Variants in UBE3D observed in about 807,000 individuals in gnomAD.
UBE3D encodes E3 ubiquitin-protein ligase E3D.
In UBE3D, 48 loss-of-function variants were observed where a neutral mutation model predicts 49.6. The ratio of observed to expected loss-of-function variants is 0.97; its 90% confidence interval spans 0.77 to 1.23. The LOEUF is 1.23. Ranked by LOEUF, UBE3D falls within the 50% of genes most tolerant of loss-of-function variation. UBE3D has a pLI of 0.00. For synonymous variants in UBE3D, 189 were observed against 174.2 expected, an observed-to-expected ratio of 1.08 and a Z score of -0.67; for missense variants, 452 against 468.4, an observed-to-expected ratio of 0.96 and a Z score of 0.32.
At chr6:83,032,699 A>G (rs1010859322) in intron 5 of UBE3D, among the ~76,000 whole-genome samples, 1 of 152,084 alleles carries the variant, frequency 6.6e-6, no homozygotes, top group Non-Finnish European at 1.5e-5. Context: ...CTCATCTTGA[A>G]TTGTTGCTCC....
At chr6:82,935,228 AAG>A (rs1010457238) in intron 9 of UBE3D, among the ~76,000 whole-genome samples, 3 of 151,736 alleles carry the variant, frequency 2.0e-5, no homozygotes, top group African/African-American at 7.3e-5. Flanking sequence ...CAGAGCAAGC[AAG>A]AGAGAGGGGT....
At chr6:83,051,724 A>G (rs1013710549) in intron 3 of UBE3D, among the ~76,000 whole-genome samples, 7 of 152,334 alleles carry the variant, frequency 4.6e-5, no homozygotes, top group African/African-American at 2.4e-5. Context: ...AGTACATGCA[A>G]TAACTTCAAC....
intron 9 of UBE3D, among the ~76,000 whole-genome samples, chr6:82,946,071 G>A (rs1317786600): frequency 6.6e-6 from 1 of 152,122 alleles, no homozygotes; most frequent in Non-Finnish European, 1.5e-5. Flanking sequence ...GGCAGAGAAA[G>A]AGATAAGGGA....
chr6:82,882,003 C>T, the UBE3D span, among the ~76,000 whole-genome samples: 8 of 152,208 alleles, frequency 5.3e-5, no homozygotes, highest in Non-Finnish European at 1.2e-4. Flanking sequence ...TTTCCTTCCT[C>T]CCGTCATTTG....
chr6:82,978,232 A>G (rs769023307), intron 8 of UBE3D, among the ~76,000 whole-genome samples: 19 of 152,188 alleles, frequency 1.2e-4, no homozygotes, highest in Non-Finnish European at 1.9e-4. Context: ...AGTCATCTTA[A>G]TAAGTCATGT....
intron 8 of UBE3D, among the ~76,000 whole-genome samples, chr6:82,975,815 G>A (rs1777676008): frequency 1.3e-5 from 2 of 152,094 alleles, no homozygotes; most frequent in Non-Finnish European, 2.9e-5. Context: ...CAGTCAAGTT[G>A]CTATAGATAT....
rs140412031 is a variant in UBE3D, at chr6:82,906,823, A to G, written c.1150-13781T>C. Among the ~76,000 whole-genome samples, 12 of 152,354 alleles carry G rather than the reference A, an allele frequency of 7.9e-5. No homozygotes were observed. In the East Asian group the frequency reaches 2.3e-3, roughly 29 times the overall value. On this transcript the variant is annotated intron_variant, in intron 9 of 9. Coordinates refer to ENST00000369747, the MANE Select transcript of UBE3D (RefSeq NM_198920.3). ...AAGGTTCTAAACTACTCAGAGATGA[A>G]TCTTTCTATCTGGTTAGCTAAGTAG... is the stretch of plus-strand genomic sequence containing the variant.
chr6:82,987,706 A>G (rs1034081914), intron 8 of UBE3D, among the ~76,000 whole-genome samples: 1 of 152,224 alleles, frequency 6.6e-6, no homozygotes, highest in Non-Finnish European at 1.5e-5. Flanking sequence ...TCTAAGGTCC[A>G]ATCATTCCAT....
At chr6:82,933,285 G>C (rs965972740) in intron 9 of UBE3D, among the ~76,000 whole-genome samples, 1 of 152,224 alleles carries the variant, frequency 6.6e-6, no homozygotes, top group Non-Finnish European at 1.5e-5. Flanking sequence ...CAAATGGCAA[G>C]ATAGGTTCTG....
chr6:83,001,965 C>T (rs1403323831), intron 8 of UBE3D, among the ~76,000 whole-genome samples: 1 of 151,756 alleles, frequency 6.6e-6, no homozygotes. Context: ...CCCTTTCTTC[C>T]AAAAAACCCT....
At chr6:83,004,695 A>C (rs185336943) in intron 8 of UBE3D, among the ~76,000 whole-genome samples, 1 of 152,334 alleles carries the variant, frequency 6.6e-6, no homozygotes, top group Admixed American at 6.5e-5. Context: ...TATTCAAATA[A>C]GTTAGCATAA....
chr6:82,973,293 C>G (rs1777481269), intron 8 of UBE3D, among the ~76,000 whole-genome samples: 1 of 152,170 alleles, frequency 6.6e-6, no homozygotes, highest in Non-Finnish European at 1.5e-5. Context: ...TCAGTCCTGA[C>G]AATCTCCTAA....
chr6:82,914,127 A>G (rs1177887539), intron 9 of UBE3D, among the ~76,000 whole-genome samples: 10 of 152,148 alleles, frequency 6.6e-5, no homozygotes, highest in Non-Finnish European at 1.3e-4. Context: ...TTCCTCCAAA[A>G]CTAATTTAAA....
intron 8 of UBE3D, among the ~76,000 whole-genome samples, chr6:82,958,255 T>C (rs956062464): frequency 1.3e-5 from 2 of 152,168 alleles, no homozygotes; most frequent in South Asian, 2.1e-4. Context: ...AAAATAATTA[T>C]GAGAAAATAA....
intron 7 of UBE3D, among the ~76,000 whole-genome samples, chr6:83,020,324 G>C (rs1053097087): frequency 7.0e-6 from 1 of 143,550 alleles, no homozygotes; most frequent in African/African-American, 2.6e-5. Context: ...GCAGAAAAAC[G>C]CTAATCATGT....
intron 8 of UBE3D, among the ~76,000 whole-genome samples, chr6:82,996,820 T>C (rs961303349): frequency 2.0e-5 from 3 of 152,178 alleles, no homozygotes; most frequent in African/African-American, 7.2e-5. Context: ...AAAACTATCA[T>C]AGTCTAGAGA....
chr6:82,892,821 T>C lies in UBE3D; in HGVS notation c.*201A>G. 1.6e-6 allele frequency: 1 copy of C among 627,830 alleles called. No homozygotes were observed. The highest frequency in any genetic ancestry group is 1.7e-5 in the South Asian group (1 of 58,108). The allele number at this position is 627,830 out of a possible 1,614,324, so 38.9% of individuals were successfully genotyped here. A position where few individuals can be genotyped will look rare whatever the true frequency, so the allele number is the denominator to read the frequency against. On this transcript the variant is annotated 3_prime_UTR_variant, in exon 10 of 10. Transcript: ENST00000369747. ...GCTACTATGACTTTCTTCACAGTCCTGGGTTTTCAAAGATCTAAAGTTAAC... is the reference window on the plus strand; with the variant it reads ...GCTACTATGACTTTCTTCACAGTCCCGGGTTTTCAAAGATCTAAAGTTAAC...
intron 7 of UBE3D, among the ~76,000 whole-genome samples, chr6:83,021,503 GA>G (rs377167631): frequency 0.011 from 1,566 of 140,680 alleles, 23 homozygotes; most frequent in African/African-American, 0.035. Flanking sequence ...TACTAAATAG[GA>G]AAAAAAAAAA....
chr6:82,972,099 G>A lies in UBE3D; in HGVS notation c.1011-14649C>T, dbSNP rs114132577. Among the ~76,000 whole-genome samples, 1,257 of 152,254 alleles carry A rather than the reference G, an allele frequency of 8.3e-3. 14 individuals carry two copies. The highest frequency in any genetic ancestry group is 0.028 in the African/African-American group (1,173 of 41,556). ...CTCTCTCAGCCCATGCCTTCAGAAC[G>A]GGGTGGGTTCTGGTTGTTTGCATCA... On this transcript the variant is annotated intron_variant, in intron 8 of 9. Coordinates refer to ENST00000369747, the MANE Select transcript of UBE3D (RefSeq NM_198920.3).
Sources: allele counts gnomAD v4.1 joint callset (sites outside exome capture counted in the v4.1 genomes callset), GRCh38; gene constraint gnomAD v4.1.1; transcripts MANE v1.5; gene names NCBI Gene and HGNC (gene_info 2026-07-23, HGNC 2026-07-21).